Variants in CAMK1D observed in about 807,000 individuals in gnomAD.
The protein encoded by CAMK1D is calcium/calmodulin-dependent protein kinase type 1D.
A neutral mutation model predicts 47.7 loss-of-function variants in CAMK1D; 9 were observed. The ratio of observed to expected loss-of-function variants is 0.19; its 90% confidence interval spans 0.11 to 0.33. CAMK1D has a LOEUF of 0.33. Ranked by LOEUF, CAMK1D falls within the 10% of genes least tolerant of loss-of-function variation. The pLI, the probability that CAMK1D is intolerant of heterozygous loss-of-function variation, is 1.00. For synonymous variants in CAMK1D, 184 were observed against 184.9 expected (o/e 0.99, Z 0.04); for missense variants, 291 against 488.7 (o/e 0.60, Z 3.81).
intron 4 of CAMK1D, among the ~76,000 whole-genome samples, 159 bp from the exon 5 acceptor site, chr10:12,769,514 A>C (rs1475855176): frequency 2.0e-5 from 3 of 152,236 alleles, no homozygotes; most frequent in Non-Finnish European, 4.4e-5. Context: ...GGCGCTCTGC[A>C]CTGTTTCTAT....
Position 12,442,097 on chromosome 10 carries a change from T to C in CAMK1D, c.92+92187T>C, listed in dbSNP as rs373037991. 2.8e-4 allele frequency among the ~76,000 whole-genome samples: 43 copies of C among 152,336 alleles called. 1 individual carries two copies. The South Asian group carries it at 8.3e-3, about 29-fold the overall frequency. The stretch of plus-strand genomic sequence containing the variant: ...AGCAGTAATAATTCTTCAAGTCTTA[T>C]TAAAGAATTCAAATGGACCAAAACT... On this transcript the variant is annotated intron_variant, in intron 1 of 10. Coordinates refer to ENST00000619168, the MANE Select transcript of CAMK1D (RefSeq NM_153498.4).
At chr10:12,560,555 G>A (rs12780282) in intron 2 of CAMK1D, among the ~76,000 whole-genome samples, 42,691 of 105,534 alleles carry the variant, frequency 0.4, 7,947 homozygotes, top group Non-Finnish European at 0.51. Flanking sequence ...CTCTATCTCG[G>A]AAAAAAAAAA....
chr10:12,711,202 G>GA (rs1833923168), intron 3 of CAMK1D, among the ~76,000 whole-genome samples: 1 of 152,212 alleles, frequency 6.6e-6, no homozygotes. Flanking sequence ...CGCATAAGGT[G>GA]ATGTGGCAAG....
rs190286189 is a variant in CAMK1D at position 12,568,796 on chromosome 10, A to G, written c.224+15440A>G. Among the ~76,000 whole-genome samples, 40 of 152,276 alleles carry G rather than the reference A, an allele frequency of 2.6e-4. 1 individual carries two copies. The East Asian group carries it at 7.6e-3, about 29-fold the overall frequency. ...TAGTGTGGACTTTCTGAAACAGTCA[A>G]CTAAGTAAGTGATACAGTGTTTCCT... is the stretch of plus-strand genomic sequence containing the variant. On this transcript the variant is annotated intron_variant, in intron 2 of 10. Coordinates refer to ENST00000619168, the MANE Select transcript of CAMK1D (RefSeq NM_153498.4).
At position 12,380,660 on chromosome 10, in the gene CAMK1D, T is replaced by C. The variant is rs191645718; in HGVS notation, c.92+30750T>C. Among the ~76,000 whole-genome samples the C allele has an allele frequency of 2.8e-3, 421 of 152,176 alleles. 2 individuals are homozygous for C. The highest frequency in any genetic ancestry group is 9.3e-3 in the African/African-American group (388 of 41,538). On this transcript the variant is annotated intron_variant, in intron 1 of 10. Coordinates refer to ENST00000619168, the MANE Select transcript of CAMK1D (RefSeq NM_153498.4). The stretch of plus-strand genomic sequence containing the variant: ...ATCACGAGGTCAGAGATCGAGACCA[T>C]CCTGGCTAACACGGTGAAACCCCAT...
intron 2 of CAMK1D, among the ~76,000 whole-genome samples, chr10:12,632,010 C>T (rs145136920): frequency 5.3e-5 from 8 of 152,128 alleles, no homozygotes; most frequent in African/African-American, 1.4e-4. Context: ...CGCACCACAC[C>T]GTGCGAAGGC....
At chr10:12,746,930 G>A (rs1835709210) in intron 3 of CAMK1D, among the ~76,000 whole-genome samples, 1 of 152,182 alleles carries the variant, frequency 6.6e-6, no homozygotes, top group Non-Finnish European at 1.5e-5. Flanking sequence ...GAAGCAGAAA[G>A]CCCCTGTTTT....
At position 12,777,322 on chromosome 10, in the gene CAMK1D, G is replaced by T. The variant is rs115901771; in HGVS notation, c.565+7523G>T. 4.9e-3 allele frequency among the ~76,000 whole-genome samples: 726 copies of T among 147,356 alleles called. 8 individuals carry two copies. The highest frequency in any genetic ancestry group is 0.017 in the African/African-American group (698 of 40,106). Reference sequence around the variant, plus strand: ...TTCACATAGAAGTTATCACATGTCAGTTGCTGCTACTGAGTCAAGTAAGAT... The same window carrying T: ...TTCACATAGAAGTTATCACATGTCATTTGCTGCTACTGAGTCAAGTAAGAT... On this transcript the variant is annotated intron_variant, in intron 5 of 10. Coordinates refer to ENST00000619168, the MANE Select transcript of CAMK1D (RefSeq NM_153498.4).
chr10:12,387,400 T>TA (rs1838546309), intron 1 of CAMK1D, among the ~76,000 whole-genome samples: 2 of 65,270 alleles, frequency 3.1e-5, no homozygotes, highest in South Asian at 4.7e-4. Flanking sequence ...TTATATATTT[T>TA]TATATATTAT....
intron 2 of CAMK1D, among the ~76,000 whole-genome samples, chr10:12,586,438 G>T (rs1364647254): frequency 9.7e-6 from 1 of 103,618 alleles, no homozygotes; most frequent in Non-Finnish European, 1.8e-5. Context: ...GACAGAGCAA[G>T]ACTTCCTCTC....
chr10:12,548,499 C>G (rs948919217), intron 1 of CAMK1D, among the ~76,000 whole-genome samples: 11 of 117,844 alleles, frequency 9.3e-5, no homozygotes, highest in African/African-American at 3.6e-4. Context: ...AGGTCTTGCT[C>G]TATGGCCCAG....
At chr10:12,465,717 T>C (rs934462970) in intron 1 of CAMK1D, among the ~76,000 whole-genome samples, 3 of 152,202 alleles carry the variant, frequency 2.0e-5, no homozygotes, top group African/African-American at 7.2e-5. Flanking sequence ...CCTCGTATTT[T>C]ATCCAGGTTG....
At chr10:12,548,762 G>T (rs1479764881) in intron 1 of CAMK1D, among the ~76,000 whole-genome samples, 4 of 151,940 alleles carry the variant, frequency 2.6e-5, no homozygotes, top group African/African-American at 9.7e-5. Context: ...ACCGCGCCCG[G>T]CCTATTTTAA....
chr10:12,461,507 G>A (rs1035167445), intron 1 of CAMK1D, among the ~76,000 whole-genome samples: 4 of 152,006 alleles, frequency 2.6e-5, no homozygotes, highest in African/African-American at 7.2e-5. Flanking sequence ...TGGACAACAT[G>A]GTGAAACCCC....
intron 1 of CAMK1D, among the ~76,000 whole-genome samples, chr10:12,491,744 C>T (rs879898049): frequency 3.9e-5 from 6 of 152,116 alleles, no homozygotes; most frequent in Non-Finnish European, 8.8e-5. Flanking sequence ...TCATTAAAAG[C>T]CCTGTAGCCA....
intron 2 of CAMK1D, among the ~76,000 whole-genome samples, chr10:12,600,518 G>C (rs1489036586): frequency 6.6e-6 from 1 of 152,196 alleles, no homozygotes; most frequent in East Asian, 1.9e-4. Flanking sequence ...AGTAAATGTT[G>C]ATCTGGCGAC....
intron 2 of CAMK1D, among the ~76,000 whole-genome samples, chr10:12,641,568 A>G (rs1158048925): frequency 6.6e-6 from 1 of 151,948 alleles, no homozygotes; most frequent in Middle Eastern, 3.4e-3. Flanking sequence ...GCAGTGAGCC[A>G]TGGTCTCACC....
intron 2 of CAMK1D, among the ~76,000 whole-genome samples, chr10:12,578,312 T>C (rs567297277): frequency 4.6e-4 from 70 of 152,046 alleles, no homozygotes; most frequent in Non-Finnish European, 9.0e-4. Context: ...TTGGAAGGCT[T>C]AGGCAGCCAG....
chr10:12,490,348 A>T (rs1834344825), intron 1 of CAMK1D, among the ~76,000 whole-genome samples: 1 of 151,978 alleles, frequency 6.6e-6, no homozygotes, highest in Non-Finnish European at 1.5e-5. Context: ...CTGCCCAGGG[A>T]TGTTAGGTCC....
Sources: gnomAD v4.1 joint callset for allele counts (sites outside exome capture counted in the v4.1 genomes callset) on GRCh38, gnomAD v4.1.1 for gene constraint, MANE v1.5 for transcripts, NCBI Gene and HGNC (gene_info 2026-07-23, HGNC 2026-07-21) for gene names.